The following CSMD2 variants were observed in gnomAD, a reference collection of about 807,000 sequenced individuals.
CSMD2 encodes CUB and sushi domain-containing protein 2.
A neutral mutation model predicts 398.5 loss-of-function variants in CSMD2; 130 were observed. The ratio of observed to expected loss-of-function variants is 0.33; its 90% CI spans 0.28 to 0.38. The LOEUF is 0.38. Among genes scored for constraint, CSMD2 ranks in the 10% least tolerant of loss-of-function variants. CSMD2 has a pLI of 1.00. For synonymous variants in CSMD2, 1,828 were observed against 1,908.5 expected, an observed-to-expected ratio of 0.96 and a Z score of 1.10; for missense variants, 3,829 against 4,764.9, an observed-to-expected ratio of 0.80 and a Z score of 5.78.
At chr1:33,558,101 A>G (rs530419128) in intron 54 of CSMD2, among the ~76,000 whole-genome samples, 179 bp from the exon 55 acceptor site, 1 of 152,320 alleles carries the variant, frequency 6.6e-6, no homozygotes, top group Non-Finnish European at 1.5e-5. Context: ...CCAGCTAGAC[A>G]TCACCTCCTT....
At chr1:33,811,670 C>T (rs1427813530) in intron 9 of CSMD2, among the ~76,000 whole-genome samples, 33 of 152,332 alleles carry the variant, frequency 2.2e-4, no homozygotes. Flanking sequence ...TCTAATTAAG[C>T]TCTTTAAAAT....
At chr1:33,672,134 G>A (rs1193146522) in intron 25 of CSMD2, among the ~76,000 whole-genome samples, 1 of 152,196 alleles carries the variant, frequency 6.6e-6, no homozygotes, top group African/African-American at 2.4e-5. Flanking sequence ...CGGACAGTGG[G>A]TGCAGTGCAC....
chr1:33,636,222 C>T lies in CSMD2; in HGVS notation c.4969+138G>A, dbSNP rs933601736. On this transcript the variant is annotated intron_variant, in intron 30 of 70. Coordinates refer to ENST00000373381, the MANE Select transcript of CSMD2 (RefSeq NM_001281956.2). This position sits in a 1 kb window ranked among gnomAD's most constrained non-coding sequence, Gnocchi z 4.8. ...TATAAGCCACTTCTATACACATCCA[C>T]GGCAAACCCAGGTTTGCCAGGCTTG... The T allele has an allele frequency of 2.8e-5, 21 of 759,222 alleles. No homozygotes were observed. Among genetic ancestry groups the T allele is most frequent in the Non-Finnish European group, 3.8e-5 (18 of 473,866 alleles). The allele number at this position is 759,222 out of a possible 1,614,324, so 47.0% of individuals were successfully genotyped here. A position where few individuals can be genotyped will look rare whatever the true frequency, so the allele number is the denominator to read the frequency against.
intron 28 of CSMD2, among the ~76,000 whole-genome samples, chr1:33,648,010 A>G (rs745725150): frequency 3.9e-5 from 6 of 152,232 alleles, no homozygotes; most frequent in Non-Finnish European, 8.8e-5. Flanking sequence ...ATTAAGGTTG[A>G]TCAAACTTTC....
intron 1 of CSMD2, among the ~76,000 whole-genome samples, chr1:34,117,527 A>T (rs1661727302): frequency 6.6e-6 from 1 of 152,138 alleles, no homozygotes; most frequent in South Asian, 2.1e-4. Flanking sequence ...TCTACTAAAC[A>T]TTTAAAGGAG....
chr1:33,772,044 A>G (rs1213467057), intron 13 of CSMD2: 1 of 152,938 alleles, frequency 6.5e-6, no homozygotes, highest in African/African-American at 2.4e-5. Context: ...CCCTTCCCCA[A>G]AAGATCAACA....
intron 9 of CSMD2, among the ~76,000 whole-genome samples, chr1:33,811,322 A>T (rs542657259): frequency 4.3e-4 from 65 of 152,230 alleles, no homozygotes; most frequent in African/African-American, 1.5e-3. Flanking sequence ...GCTGCTGTGG[A>T]CCTAATGCTG....
chr1:33,959,399 C>T (rs1645273800), intron 3 of CSMD2, among the ~76,000 whole-genome samples: 2 of 152,180 alleles, frequency 1.3e-5, no homozygotes, highest in South Asian at 2.1e-4. Flanking sequence ...CATTTCCATT[C>T]AATGTAGAAT....
intron 49 of CSMD2, among the ~76,000 whole-genome samples, chr1:33,574,202 A>G (rs1659859795): frequency 6.6e-6 from 1 of 152,216 alleles, no homozygotes; most frequent in Admixed American, 6.5e-5. Flanking sequence ...GGAAAGGACA[A>G]TATATGAGAT....
chr1:33,629,868 G>A (rs950925019), intron 32 of CSMD2, among the ~76,000 whole-genome samples: 2 of 151,674 alleles, frequency 1.3e-5, no homozygotes, highest in Non-Finnish European at 2.9e-5. Flanking sequence ...TCAGCCTCCC[G>A]AGTGGCTGGG....
chr1:33,520,025 TAC>T, intron 68 of CSMD2, 75 bp from the exon 69 acceptor site: 1 of 1,548,788 alleles, frequency 6.5e-7, no homozygotes, highest in Non-Finnish European at 8.9e-7. Flanking sequence ...TCCCCGACTA[TAC>T]ACTCTTGGGA....
chr1:33,848,101 C>T (rs1269073152), intron 5 of CSMD2, among the ~76,000 whole-genome samples: 1 of 152,180 alleles, frequency 6.6e-6, no homozygotes, highest in African/African-American at 2.4e-5. Context: ...TACTCTTTCA[C>T]ATAGGTCCTT....
chr1:33,948,496 TA>T, intron 3 of CSMD2, among the ~76,000 whole-genome samples: 1 of 152,216 alleles, frequency 6.6e-6, no homozygotes, highest in African/African-American at 2.4e-5. Flanking sequence ...CATGCATATA[TA>T]AAAACAGGCA....
chr1:33,948,874 G>T (rs1644918567), intron 3 of CSMD2, among the ~76,000 whole-genome samples: 1 of 152,168 alleles, frequency 6.6e-6, no homozygotes, highest in Non-Finnish European at 1.5e-5. Flanking sequence ...TGATTTCAGA[G>T]GTAGGGATCA....
rs149488833 is a variant in CSMD2 at position 33,725,466 on chromosome 1, C to T, written c.2578G>A (p.Gly860Arg). The T allele has an allele frequency of 6.2e-6, 10 of 1,614,058 alleles. No homozygotes were observed. The highest frequency in any genetic ancestry group is 1.6e-4 in the Middle Eastern group (1 of 6,084). Residue 860 changes from glycine (G) to arginine (R), a missense_variant, in exon 17 of 71, where the codon GGG becomes AGG. By Grantham distance (125) the Gly-to-Arg change is moderately radical. Around this residue, in one of 5 missense-constraint regions of CSMD2, gnomAD observed 2,001 missense variants for 2,567.1 expected, o/e 0.78. Transcript: ENST00000373381. Reference sequence around the variant, plus strand: ...GGAACCTGGGTCCCGTGGTAAACCCCGATCAAGGGCGCTGAGTAAGTCCGC... The same window carrying T: ...GGAACCTGGGTCCCGTGGTAAACCCTGATCAAGGGCGCTGAGTAAGTCCGC... ...DGRTYSAPLIGVYHGTQVPQF... is the reference protein window; with the variant it reads ...DGRTYSAPLIRVYHGTQVPQF...
chr1:33,720,561 GCT>G (rs756575705), intron 19 of CSMD2, among the ~76,000 whole-genome samples: 1 of 152,198 alleles, frequency 6.6e-6, no homozygotes, highest in Non-Finnish European at 1.5e-5. Flanking sequence ...AATGTGTAAA[GCT>G]CTAGAGGAGA....
rs1193535299 is a variant in CSMD2, at chr1:33,514,861, TCA to T, written c.*1761_*1762del. ...TGTGTCTGCTGGAAATGGACGCCTC[TCA>T]CTTTCCTCTGGCCACTCTTAACATC... On this transcript the variant is annotated 3_prime_UTR_variant, in exon 71 of 71. Transcript: ENST00000373381. The T allele has an allele frequency of 6.6e-6, 1 of 152,256 alleles. No individual in the cohort carries two copies. The highest frequency in any genetic ancestry group is 2.1e-4 in the South Asian group (1 of 4,830). The allele number at this position is 152,256 out of a possible 1,614,324, so 9.4% of individuals were successfully genotyped here.
At chr1:33,869,725 G>A (rs1640313522) in intron 5 of CSMD2, among the ~76,000 whole-genome samples, 1 of 152,136 alleles carries the variant, frequency 6.6e-6, no homozygotes. Flanking sequence ...AGGAGGCATG[G>A]CTCATCTGGC....
intron 19 of CSMD2, among the ~76,000 whole-genome samples, chr1:33,723,010 C>T (rs1024573025): frequency 6.6e-6 from 1 of 152,110 alleles, no homozygotes; most frequent in African/African-American, 2.4e-5. Flanking sequence ...TGACACTTTA[C>T]TTATATACTA....
Sources: gnomAD v4.1 joint callset for allele counts (sites outside exome capture counted in the v4.1 genomes callset) on GRCh38, gnomAD v4.1.1 for gene constraint, gnomAD v4.1.1 regional missense constraint, Gnocchi (gnomAD v3.1) non-coding constraint, MANE v1.5 for transcripts, NCBI Gene and HGNC (gene_info 2026-07-23, HGNC 2026-07-21) for gene names.